ENTREP1: variants seen among roughly 807,000 people sequenced by gnomAD.
ENTREP1 encodes Friedreich ataxia region gene X123.
At chr9:69,387,712 T>G in the ENTREP1 span, 1 of 369,344 alleles carries the variant, frequency 2.7e-6, no homozygotes, top group Non-Finnish European at 5.1e-6. Context: ...GAGCATTACA[T>G]TCATCTGACA....
chr9:69,391,611 C>T, the ENTREP1 span: 1 of 1,614,132 alleles, frequency 6.2e-7, no homozygotes, highest in Non-Finnish European at 8.5e-7. Flanking sequence ...ATAATGGCCC[C>T]ATTGCAGCCC....
At chr9:69,347,136 C>T in the ENTREP1 span, among the ~76,000 whole-genome samples, 1 of 152,184 alleles carries the variant, frequency 6.6e-6, no homozygotes. Context: ...CCAGATGGGC[C>T]TCCCAGGAAA....
At chr9:69,344,849 C>G in the ENTREP1 span, among the ~76,000 whole-genome samples, 1 of 152,164 alleles carries the variant, frequency 6.6e-6, no homozygotes, top group African/African-American at 2.4e-5. Flanking sequence ...TCTTTGGCTC[C>G]TTCCTGGGTT....
the ENTREP1 span, chr9:69,382,027 T>G: frequency 1.3e-5 from 2 of 152,496 alleles, no homozygotes; most frequent in Non-Finnish European, 2.9e-5. Context: ...GGATAGAAAC[T>G]TTCCAGGCAG....
At chr9:69,350,307 C>T in the ENTREP1 span, among the ~76,000 whole-genome samples, 6 of 145,306 alleles carry the variant, frequency 4.1e-5, no homozygotes, top group East Asian at 1.0e-3. Context: ...TATACAGTTG[C>T]CCCAGCACCA....
the ENTREP1 span, among the ~76,000 whole-genome samples, chr9:69,342,886 C>G: frequency 6.6e-6 from 1 of 152,232 alleles, no homozygotes; most frequent in African/African-American, 2.4e-5. Context: ...TTTCTTCCCT[C>G]TGATCACCTT....
the ENTREP1 span, among the ~76,000 whole-genome samples, chr9:69,339,272 C>A: frequency 5.9e-5 from 9 of 152,184 alleles, no homozygotes; most frequent in Admixed American, 5.9e-4. Context: ...CTTCCCACCT[C>A]AGCTTCCCAA....
the ENTREP1 span, among the ~76,000 whole-genome samples, chr9:69,332,919 T>C: frequency 6.6e-6 from 1 of 152,204 alleles, no homozygotes; most frequent in African/African-American, 2.4e-5. Context: ...CCCATTAATA[T>C]GGAAATGATT....
the ENTREP1 span, among the ~76,000 whole-genome samples, chr9:69,348,038 G>T: frequency 6.6e-6 from 1 of 152,146 alleles, no homozygotes; most frequent in Non-Finnish European, 1.5e-5. Context: ...TTTCTGAGAT[G>T]TTCTAAATGA....
chr9:69,338,302 T>C, the ENTREP1 span, among the ~76,000 whole-genome samples: 1 of 152,192 alleles, frequency 6.6e-6, no homozygotes, highest in African/African-American at 2.4e-5. Context: ...TTTATACGAA[T>C]ATTTGGTAAC....
chr9:69,327,263 C>G, the ENTREP1 span, among the ~76,000 whole-genome samples: 1 of 152,086 alleles, frequency 6.6e-6, no homozygotes, highest in South Asian at 2.1e-4. Context: ...TGGGCTCTGC[C>G]ACTGGCCTCT....
the ENTREP1 span, chr9:69,381,063 A>G: frequency 1.3e-4 from 20 of 152,362 alleles, no homozygotes; most frequent in African/African-American, 4.6e-4. Flanking sequence ...TCAATGGTGT[A>G]TCTGCTGCTG....
At chr9:69,371,130 G>T in the ENTREP1 span, 1 of 308,998 alleles carries the variant, frequency 3.2e-6, no homozygotes, top group Non-Finnish European at 6.2e-6. Flanking sequence ...ATATTCCAGA[G>T]TTCTGTATTT....
At chr9:69,328,816 C>G in the ENTREP1 span, among the ~76,000 whole-genome samples, 1 of 152,172 alleles carries the variant, frequency 6.6e-6, no homozygotes. Flanking sequence ...GCAACTATCA[C>G]CACAATTTTA....
the ENTREP1 span, among the ~76,000 whole-genome samples, chr9:69,337,881 C>T: frequency 1.3e-5 from 2 of 152,044 alleles, no homozygotes; most frequent in Admixed American, 6.6e-5. Context: ...TGTATATATG[C>T]TTAATAGTTC....
At chr9:69,387,702 G>A in the ENTREP1 span, 2 of 362,644 alleles carry the variant, frequency 5.5e-6, no homozygotes, top group Non-Finnish European at 5.3e-6. Context: ...AAAGTGATCA[G>A]AGCATTACAT....
chr9:69,390,460 G>T, the ENTREP1 span, among the ~76,000 whole-genome samples: 2 of 152,046 alleles, frequency 1.3e-5, no homozygotes, highest in Non-Finnish European at 2.9e-5. Flanking sequence ...TCATATTTTT[G>T]CCATTTTTAC....
the ENTREP1 span, among the ~76,000 whole-genome samples, chr9:69,336,971 T>A: frequency 6.7e-6 from 1 of 148,332 alleles, no homozygotes; most frequent in Non-Finnish European, 1.5e-5. Flanking sequence ...GTGCTGAGAT[T>A]ACAGGCGTCA....
At chr9:69,331,972 CT>C in the ENTREP1 span, among the ~76,000 whole-genome samples, 1 of 152,202 alleles carries the variant, frequency 6.6e-6, no homozygotes, top group Non-Finnish European at 1.5e-5. Flanking sequence ...GCATTGAATA[CT>C]CTGTCTCCTT....
Sources: allele counts gnomAD v4.1 joint callset (sites outside exome capture counted in the v4.1 genomes callset), GRCh38; gene constraint gnomAD v4.1.1; transcripts MANE v1.5; gene names NCBI Gene and HGNC (gene_info 2026-07-23, HGNC 2026-07-21).